The following AMZ2 variants were observed in gnomAD, a reference collection of about 807,000 sequenced individuals.
The protein encoded by AMZ2 is archaemetzincin-2.
AMZ2 carries 26 observed loss-of-function variants against 36.7 expected under a neutral mutation model. That is an observed-to-expected ratio of 0.71 (90% CI 0.52 to 0.98). AMZ2 has a LOEUF of 0.98. AMZ2 is among the 50% of genes least tolerant of loss of function. The pLI, the probability that AMZ2 is intolerant of heterozygous loss-of-function variation, is 0.00. For missense variants in AMZ2, 394 were observed against 430.5 expected, an observed-to-expected ratio of 0.92 and a Z score of 0.75; for synonymous variants, 144 against 149.1, an observed-to-expected ratio of 0.97 and a Z score of 0.25.
At chr17:68,252,628 C>G (rs1291558838) in intron 4 of AMZ2, among the ~76,000 whole-genome samples, 1 of 152,092 alleles carries the variant, frequency 6.6e-6, no homozygotes, top group Non-Finnish European at 1.5e-5. Context: ...CTCAGCCTCC[C>G]GAGTAGCTGG....
intron 1 of AMZ2, among the ~76,000 whole-genome samples, chr17:68,228,862 G>A (rs1201978195): frequency 6.6e-6 from 1 of 152,220 alleles, no homozygotes. Context: ...ATCCACAGCG[G>A]GATGCCTGCA....
intron 1 of AMZ2, among the ~76,000 whole-genome samples, chr17:68,211,684 G>GTATA (rs2073050517): frequency 2.3e-5 from 2 of 87,062 alleles, no homozygotes; most frequent in East Asian, 3.7e-4. Flanking sequence ...GAAAACATAT[G>GTATA]TATATGTATA....
chr17:68,210,715 C>T (rs1351866446), intron 1 of AMZ2, among the ~76,000 whole-genome samples: 1 of 151,898 alleles, frequency 6.6e-6, no homozygotes, highest in African/African-American at 2.4e-5. Context: ...TGGGGGGCCA[C>T]GGTGGGAGGA....
intron 1 of AMZ2, among the ~76,000 whole-genome samples, chr17:68,209,714 C>T (rs1218745230): frequency 2.7e-5 from 4 of 149,320 alleles, no homozygotes; most frequent in South Asian, 2.1e-4. Flanking sequence ...CTCCACCTCC[C>T]GGATCAAGTG....
chr17:68,219,628 T>C (rs1473944318), intron 1 of AMZ2, among the ~76,000 whole-genome samples: 7 of 151,956 alleles, frequency 4.6e-5, no homozygotes, highest in African/African-American at 1.2e-4. Context: ...ACTTCCCAGG[T>C]TTAAGTGATC....
chr17:68,216,752 C>T (rs375587547), intron 1 of AMZ2, among the ~76,000 whole-genome samples: 8 of 152,130 alleles, frequency 5.3e-5, no homozygotes, highest in African/African-American at 7.2e-5. Context: ...ATCTTTAGGC[C>T]GGGCACGGTG....
intron 1 of AMZ2, among the ~76,000 whole-genome samples, chr17:68,234,941 G>A (rs1555732158): frequency 6.6e-6 from 1 of 152,166 alleles, no homozygotes; most frequent in East Asian, 1.9e-4. Context: ...CTTGAACCGA[G>A]GAGAGGGAGG....
At chr17:68,213,203 C>G (rs549490744) in intron 1 of AMZ2, among the ~76,000 whole-genome samples, 58 of 152,326 alleles carry the variant, frequency 3.8e-4, no homozygotes, top group Admixed American at 2.8e-3. Flanking sequence ...ATTTGCCAGA[C>G]AATGGTTTTA....
intron 1 of AMZ2, among the ~76,000 whole-genome samples, chr17:68,212,103 A>G (rs555765126): frequency 6.6e-6 from 1 of 152,098 alleles, no homozygotes; most frequent in Non-Finnish European, 1.5e-5. Context: ...AGGTGTGGTG[A>G]CCCACACCTG....
intron 1 of AMZ2, among the ~76,000 whole-genome samples, chr17:68,230,611 G>A (rs1298135767): frequency 6.6e-6 from 1 of 152,220 alleles, no homozygotes; most frequent in African/African-American, 2.4e-5. Context: ...AAGGGATGCA[G>A]GGATGTGTTC....
At chr17:68,225,820 C>T (rs563896845) in intron 1 of AMZ2, among the ~76,000 whole-genome samples, 5 of 152,176 alleles carry the variant, frequency 3.3e-5, no homozygotes, top group Non-Finnish European at 5.9e-5. Flanking sequence ...GATGAAATTT[C>T]ACCATGTTGT....
chr17:68,231,941 C>T (rs12945969), intron 1 of AMZ2, among the ~76,000 whole-genome samples: 2 of 151,912 alleles, frequency 1.3e-5, no homozygotes, highest in Non-Finnish European at 2.9e-5. Flanking sequence ...ACTCATTGTT[C>T]ATCTGAAATT....
chr17:68,257,099 C>T lies in AMZ2; in HGVS notation c.*130C>T. The stretch of plus-strand genomic sequence containing the variant: ...AAAGTAACAGACTAGAACCTTCTTT[C>T]AAGTACCTGAATTGAAATGAAACTC... On this transcript the variant is annotated 3_prime_UTR_variant, in exon 7 of 7. Coordinates refer to ENST00000359904, the MANE Select transcript of AMZ2 (RefSeq NM_016627.5). The T allele has an allele frequency of 1.1e-6, 1 of 887,398 alleles. No homozygotes were observed. The highest frequency in any genetic ancestry group is 1.7e-6 in the Non-Finnish European group (1 of 605,896). 55.0% of individuals were successfully genotyped at this position (887,398 alleles called of 1,614,324 possible).
chr17:68,237,770 C>T (rs1329125871), intron 1 of AMZ2, among the ~76,000 whole-genome samples: 1 of 152,340 alleles, frequency 6.6e-6, no homozygotes, highest in Non-Finnish European at 1.5e-5. Flanking sequence ...CAATCAGACA[C>T]CTGCTGCGGC....
At chr17:68,211,850 A>ATGTATATGTATATG (rs2073073931) in intron 1 of AMZ2, among the ~76,000 whole-genome samples, 1 of 123,618 alleles carries the variant, frequency 8.1e-6, no homozygotes, top group Non-Finnish European at 1.8e-5. Flanking sequence ...ACATGTATAT[A>ATGTATATGTATATG]TATGTATATG....
chr17:68,214,949 A>T (rs1292948574), intron 1 of AMZ2, among the ~76,000 whole-genome samples: 4 of 151,828 alleles, frequency 2.6e-5, no homozygotes, highest in Non-Finnish European at 4.4e-5. Flanking sequence ...ACGCCCGGCT[A>T]ATTTTTGCAT....
At position 68,255,879 on chromosome 17, in the gene AMZ2, A is replaced by C. The variant is rs1555742678; in HGVS notation, c.927+3A>C. On this transcript the variant is annotated splice_donor_region_variant and intron_variant, in intron 6 of 6. Coordinates refer to ENST00000359904, the MANE Select transcript of AMZ2 (RefSeq NM_016627.5). ...TCAGCATTGTAGAAAGATACAAAGT[A>C]AGTTGGGGGGTGGACAGTCTAAAGA... 1.2e-6 allele frequency: 2 copies of C among 1,613,720 alleles called. No homozygotes were observed. Among genetic ancestry groups the C allele is most frequent in the Non-Finnish European group, 8.5e-7 (1 of 1,179,874 alleles).
At position 68,248,294 on chromosome 17, in the gene AMZ2, G is replaced by C. The variant is rs1195435508; in HGVS notation, c.-412G>C. On this transcript the variant is annotated 5_prime_UTR_variant, in exon 1 of 7. Transcript: ENST00000359904. ...CTAGGGAGCCAGGGAGGCCTTTCCC[G>C]AGGCTCCTGGGGAAGAAGAGGCGAA... 2 of 985,898 alleles carry C rather than the reference G, an allele frequency of 2.0e-6. No individual in the cohort carries two copies. Among genetic ancestry groups the C allele is most frequent in the South Asian group, 4.7e-5 (1 of 21,308 alleles). 61.1% of individuals were successfully genotyped at this position (985,898 alleles called of 1,614,324 possible).
chr17:68,236,339 ATAT>A (rs533525395), intron 1 of AMZ2, among the ~76,000 whole-genome samples: 90 of 152,154 alleles, frequency 5.9e-4, no homozygotes, highest in Non-Finnish European at 7.9e-4. Flanking sequence ...TATGAACATG[ATAT>A]TATACTATGT....
Sources: allele counts gnomAD v4.1 joint callset (sites outside exome capture counted in the v4.1 genomes callset), GRCh38; gene constraint gnomAD v4.1.1; transcripts MANE v1.5; gene names NCBI Gene and HGNC (gene_info 2026-07-23, HGNC 2026-07-21).